Variants in KCP observed in about 807,000 individuals in gnomAD.
KCP encodes the protein kielin cysteine rich BMP regulator, also known as kielin/chordin-like protein.
KCP carries 194 observed loss-of-function variants against 212.7 expected under a neutral mutation model. The ratio of observed to expected loss-of-function variants is 0.91; its 90% confidence interval spans 0.81 to 1.03. The LOEUF (loss-of-function observed/expected upper bound fraction) is 1.03. Ranked by LOEUF, KCP falls within the 50% of genes least tolerant of loss-of-function variation. KCP has a pLI of 0.00. For missense variants in KCP, 2,080 were observed against 2,162.5 expected (o/e 0.96, Z 0.76); for synonymous variants, 833 against 865.3 (o/e 0.96, Z 0.65).
Position 128,890,478 on chromosome 7 carries a change from C to A in KCP, c.2200G>T (p.Glu734Ter). The A allele has an allele frequency of 6.4e-7, 1 of 1,550,442 alleles. No individual in the cohort carries two copies. The highest frequency in any genetic ancestry group is 8.7e-7 in the Non-Finnish European group (1 of 1,146,900). Residue 734 changes from glutamate to a stop codon, truncating the protein, a stop_gained, in exon 21 of 40, where the codon GAG becomes TAG. Coordinates refer to ENST00000610776, the MANE Select transcript of KCP (RefSeq NM_001366122.1). LOFTEE classifies it high-confidence loss of function. ...LYQGKEFASG[E>*]RFPSPTAACH... Reference sequence around the variant, plus strand: ...GCAGCAGTGGGCGATGGGAAGCGCTCCCCGCTGGCAAACTCCTTCCCCTGG... The same window carrying A: ...GCAGCAGTGGGCGATGGGAAGCGCTACCCGCTGGCAAACTCCTTCCCCTGG...
At chr7:128,890,784 C>T in intron 20 of KCP, 121 bp downstream of exon 20, 2 of 960,946 alleles carry the variant, frequency 2.1e-6, no homozygotes, top group Non-Finnish European at 3.0e-6. Context: ...ACACTACATT[C>T]CTAACAAGAT....
chr7:128,878,979 C>A, intron 37 of KCP: 1 of 505,492 alleles, frequency 2.0e-6, no homozygotes. Context: ...TCTCCTGCTG[C>A]CATCCCTGCA....
intron 22 of KCP, among the ~76,000 whole-genome samples, chr7:128,888,021 CCACACACACACATA>C (rs758720151): frequency 1.3e-3 from 165 of 131,568 alleles, no homozygotes; most frequent in Non-Finnish European, 1.9e-3. Context: ...CCACACACAG[CCACACACACACATA>C]CACACACACA....
chr7:128,883,683 C>CA (rs1427857938), intron 29 of KCP, among the ~76,000 whole-genome samples: 2 of 152,150 alleles, frequency 1.3e-5, no homozygotes, highest in Non-Finnish European at 2.9e-5. Context: ...ACAACGACAA[C>CA]AAAAAAAGCT....
chr7:128,887,414 C>T, intron 22 of KCP, 114 bp from the exon 23 acceptor site: 2 of 772,890 alleles, frequency 2.6e-6, no homozygotes, highest in Non-Finnish European at 4.5e-6. Flanking sequence ...CAGACACACA[C>T]ATAGCCACAC....
At chr7:128,888,591 C>G (rs922929801) in intron 22 of KCP, among the ~76,000 whole-genome samples, 1 of 151,050 alleles carries the variant, frequency 6.6e-6, no homozygotes, top group Admixed American at 6.6e-5. Context: ...CACACACACA[C>G]AGAGCCACAC....
At chr7:128,895,259 G>A (rs1448797891) in intron 8 of KCP, among the ~76,000 whole-genome samples, 1 of 152,048 alleles carries the variant, frequency 6.6e-6, no homozygotes, top group African/African-American at 2.4e-5. Context: ...TTACTCGTCT[G>A]AAAAAAAATG....
chr7:128,880,582 T>C (rs1046725860), intron 33 of KCP, 37 bp downstream of exon 33: 117 of 1,351,302 alleles, frequency 8.7e-5, no homozygotes, highest in Middle Eastern at 2.7e-4. Context: ...GCCCAGAAGG[T>C]CTGGCTTACC....
chr7:128,877,592 C>G lies in KCP; in HGVS notation c.4510G>C (p.Gly1504Arg). 6.4e-7 allele frequency: 1 copy of G among 1,551,654 alleles called. No homozygotes were observed. Among genetic ancestry groups the G allele is most frequent in the African/African-American group, 1.4e-5 (1 of 73,172 alleles). Residue 1504 changes from glycine (G) to arginine (R), a missense_variant, in exon 39 of 40, where the codon GGC becomes CGC. Gly to Arg is a moderately radical substitution (Grantham distance 125). Transcript: ENST00000610776. ...CAGGCATCAGCGGAGGAGCCAGGGC[C>G]ACAGGCACACAGGTCATACACACAG... Reference protein sequence around the residue: ...AACVYDLCACGPGSSADACLC... With the variant: ...AACVYDLCACRPGSSADACLC...
intron 1 of KCP, among the ~76,000 whole-genome samples, chr7:128,909,835 G>T (rs1053058789): frequency 4.6e-5 from 7 of 152,136 alleles, no homozygotes; most frequent in Admixed American, 2.0e-4. Context: ...CAAACCCCAG[G>T]TGCCCTTTCC....
At position 128,901,531 on chromosome 7, in the gene KCP, C is replaced by A. The variant is rs550297252; in HGVS notation, c.831+1246G>T. On this transcript the variant is annotated intron_variant, in intron 8 of 39. Transcript: ENST00000610776. Reference sequence around the variant, plus strand: ...GTCCCAGCTACTCGGGATACGGAGGCAGGAGAATGGCGTGAACCTGGAAGG... The same window carrying A: ...GTCCCAGCTACTCGGGATACGGAGGAAGGAGAATGGCGTGAACCTGGAAGG... Among the ~76,000 whole-genome samples the A allele has an allele frequency of 8.6e-5, 13 of 152,046 alleles. No individual in the cohort carries two copies. In the East Asian group the frequency reaches 2.5e-3, roughly 29 times the overall value.
chr7:128,908,089 A>G (rs974577041), intron 2 of KCP, among the ~76,000 whole-genome samples: 1 of 148,754 alleles, frequency 6.7e-6, no homozygotes, highest in African/African-American at 2.5e-5. Context: ...AGATTGTGCC[A>G]CTGCACTCCA....
chr7:128,884,019 C>T lies in KCP; in HGVS notation c.3227G>A (p.Cys1076Tyr), dbSNP rs546610818. The change falls in exon 29 of 40, where the codon TGC becomes TAC. Residue 1076 changes from cysteine (C) to tyrosine (Y), a missense_variant. Coordinates refer to ENST00000610776, the MANE Select transcript of KCP (RefSeq NM_001366122.1). ...SQLLPPGPQH[C>Y]CPTCAEALSN... is the part of the protein sequence containing the mutation. ...GGACTCACCGGCACAGGTGGGACAG[C>T]AGTGCTGGGGCCCAGGGGGCAGGAG... 1.4e-5 allele frequency: 22 copies of T among 1,548,772 alleles called. No homozygotes were observed. In the African/African-American group the frequency reaches 2.3e-4, roughly 16 times the overall value.
chr7:128,894,203 C>A lies in KCP; in HGVS notation c.922G>T (p.Asp308Tyr), dbSNP rs148852816. ...TCTGCCCTACCCACTGACTCACCAT[C>A]ACACACAGGGCAGCAGGTGCCTGGG... ...PLPGTCCPVCDGCFLNGREHR... is the reference protein window; with the variant it reads ...PLPGTCCPVCYGCFLNGREHR... Residue 308 changes from aspartate (D) to tyrosine (Y), a missense_variant, in exon 9 of 40, where the codon GAT (aspartate) becomes TAT (tyrosine). Physicochemically the swap from Asp to Tyr is radical, Grantham distance 160. Transcript: ENST00000610776. 1,070 of 1,528,228 alleles carry A rather than the reference C, an allele frequency of 7.0e-4. 3 individuals carry two copies. The African/African-American group carries it at 0.011, about 16-fold the overall frequency. 94.7% of individuals were successfully genotyped at this position (1,528,228 alleles called of 1,614,324 possible).
rs1175499610 is a variant in KCP at position 128,908,406 on chromosome 7, C to T, written c.219+20G>A. 6.5e-7 allele frequency: 1 copy of T among 1,546,120 alleles called. No homozygotes were observed. The highest frequency in any genetic ancestry group is 8.7e-7 in the Non-Finnish European group (1 of 1,143,104). On this transcript the variant is annotated intron_variant, in intron 2 of 39. Transcript: ENST00000610776. ...GAAGCCCTCCTTACCCAATGCAAAC[C>T]AGCACTGTCTCCATGGTACCTGTTC...
chr7:128,893,052 TAC>T, intron 13 of KCP, 31 bp from the exon 14 acceptor site: 2 of 874,972 alleles, frequency 2.3e-6, no homozygotes, highest in Non-Finnish European at 3.8e-6. Flanking sequence ...CATGGCAGCC[TAC>T]ACACCTCCCA....
At position 128,893,009 on chromosome 7, in the gene KCP, T is replaced by C. The variant is rs1433467286; in HGVS notation, c.1280A>G (p.Asp427Gly). The stretch of plus-strand genomic sequence containing the variant: ...GACTCCCTCAGCAAACTCCTCTCCA[T>C]CCAGCTCACAGGCTGTAGTAAGGGG... ...GRQLCPACELDGEEFAEGVQW... is the reference protein window; with the variant it reads ...GRQLCPACELGGEEFAEGVQW... The change falls in exon 14 of 40, where the codon GAT becomes GGT. Residue 427 changes from aspartate (D) to glycine (G), a missense_variant. Coordinates refer to ENST00000610776, the MANE Select transcript of KCP (RefSeq NM_001366122.1). 1.1e-6 allele frequency: 1 copy of C among 947,790 alleles called. No individual in the cohort carries two copies. The highest frequency in any genetic ancestry group is 1.7e-6 in the Non-Finnish European group (1 of 595,382). 58.7% of individuals were successfully genotyped at this position (947,790 alleles called of 1,614,324 possible). A position where few individuals can be genotyped will look rare whatever the true frequency, so the allele number is the denominator to read the frequency against.
intron 8 of KCP, among the ~76,000 whole-genome samples, chr7:128,896,930 G>C (rs1416564617): frequency 6.9e-6 from 1 of 145,078 alleles, no homozygotes; most frequent in Admixed American, 6.9e-5. Flanking sequence ...CTTCTCTACC[G>C]ATACACAGCC....
intron 1 of KCP, 139 bp downstream of exon 1, chr7:128,910,462 G>A (rs1795373017): frequency 1.2e-5 from 9 of 743,840 alleles, no homozygotes; most frequent in Non-Finnish European, 1.6e-5. Context: ...GGGGAGGACG[G>A]AGCTGGCCAG....
Sources: gnomAD v4.1 joint callset for allele counts (sites outside exome capture counted in the v4.1 genomes callset) on GRCh38, gnomAD v4.1.1 for gene constraint, MANE v1.5 for transcripts, NCBI Gene and HGNC (gene_info 2026-07-23, HGNC 2026-07-21) for gene names.